Variants in PARD3 observed in about 807,000 individuals in gnomAD.
The protein encoded by PARD3 is partitioning defective 3 homolog.
PARD3 carries 75 observed loss-of-function variants against 155.4 expected under a neutral mutation model. That is an observed-to-expected ratio of 0.48 (90% CI 0.40 to 0.58). PARD3 has a LOEUF of 0.58. Among genes scored for constraint, PARD3 ranks in the 20% least tolerant of loss-of-function variants. PARD3 has a pLI of 0.00. For synonymous variants in PARD3, 576 were observed against 610.5 expected (o/e 0.94, Z 0.83); for missense variants, 1,642 against 1,721.7 (o/e 0.95, Z 0.82).
At chr10:34,199,576 C>T (rs1436994281) in intron 22 of PARD3, among the ~76,000 whole-genome samples, 2 of 152,220 alleles carry the variant, frequency 1.3e-5, no homozygotes, top group African/African-American at 2.4e-5. Flanking sequence ...CACCCCCAAC[C>T]CCGGTTACCT....
intron 2 of PARD3, among the ~76,000 whole-genome samples, chr10:34,587,118 T>C (rs900257653): frequency 6.6e-6 from 1 of 152,050 alleles, no homozygotes; most frequent in Non-Finnish European, 1.5e-5. Context: ...GTTTATTTTT[T>C]TTATTGTGTT....
chr10:34,678,149 C>T (rs1252424229), intron 2 of PARD3, among the ~76,000 whole-genome samples: 6 of 152,118 alleles, frequency 3.9e-5, no homozygotes, highest in Admixed American at 2.0e-4. Flanking sequence ...TCTCGGCTCA[C>T]TGCAGCCTCA....
chr10:34,248,641 T>C (rs1302278755), intron 22 of PARD3, among the ~76,000 whole-genome samples: 4 of 152,098 alleles, frequency 2.6e-5, no homozygotes, highest in Non-Finnish European at 2.9e-5. Context: ...CTGTCTACAA[T>C]AGCACCTCCC....
intron 2 of PARD3, among the ~76,000 whole-genome samples, chr10:34,534,092 G>A (rs1367702203): frequency 6.6e-6 from 1 of 151,904 alleles, no homozygotes; most frequent in East Asian, 1.9e-4. Context: ...AGTGTGAGGA[G>A]GTCTTAAGAC....
At chr10:34,168,423 T>C (rs1949638523) in intron 22 of PARD3, among the ~76,000 whole-genome samples, 3 of 152,220 alleles carry the variant, frequency 2.0e-5, no homozygotes, top group Admixed American at 2.0e-4. Flanking sequence ...TCCAGAGAAC[T>C]GAGAGCCTGT....
At chr10:34,232,691 T>C (rs1221765491) in intron 22 of PARD3, among the ~76,000 whole-genome samples, 1 of 152,090 alleles carries the variant, frequency 6.6e-6, no homozygotes, top group African/African-American at 2.4e-5. Flanking sequence ...CTGGCAGGTA[T>C]AGTCAAATGT....
chr10:34,111,191 T>C lies in PARD3; in HGVS notation c.4040A>G (p.Lys1347Arg). 1 of 1,562,848 alleles carries C rather than the reference T, an allele frequency of 6.4e-7. No individual in the cohort carries two copies. The highest frequency in any genetic ancestry group is 1.4e-5 in the African/African-American group (1 of 72,940). ...ARLNRLQTPE[K>R]GRPFYS ...TGCTCAGGAATAGAAGGGCCTCCCT[T>C]TCTCAGGAGTCTGAAGTCTGTTCAG... Residue 1347 changes from lysine to arginine, a missense_variant, in exon 25 of 25, where the codon AAA (lysine) becomes AGA (arginine). Physicochemically the swap from Lys to Arg is conservative, Grantham distance 26 (BLOSUM62 2). Transcript: ENST00000374788.
chr10:34,526,186 C>G (rs1225198579), intron 2 of PARD3, among the ~76,000 whole-genome samples: 1 of 151,102 alleles, frequency 6.6e-6, no homozygotes, highest in Non-Finnish European at 1.5e-5. Context: ...GACACACACA[C>G]AGCCTCTCTA....
chr10:34,489,501 G>C (rs755926974), intron 3 of PARD3, among the ~76,000 whole-genome samples: 29 of 152,160 alleles, frequency 1.9e-4, no homozygotes, highest in Non-Finnish European at 3.8e-4. Context: ...AACTGTTCCA[G>C]TTTCAAATTA....
intron 1 of PARD3, among the ~76,000 whole-genome samples, chr10:34,700,844 C>A (rs151077727): frequency 6.6e-6 from 1 of 151,956 alleles, no homozygotes; most frequent in African/African-American, 2.4e-5. Flanking sequence ...TGGTGGCGTG[C>A]GCCTGTAGTC....
chr10:34,615,447 T>C (rs898082486), intron 2 of PARD3, among the ~76,000 whole-genome samples: 7 of 152,178 alleles, frequency 4.6e-5, no homozygotes, highest in African/African-American at 1.7e-4. Context: ...TCTCTCCATA[T>C]ATAAAAATCA....
chr10:34,340,833 A>C (rs921428209), intron 16 of PARD3, among the ~76,000 whole-genome samples: 2 of 152,320 alleles, frequency 1.3e-5, no homozygotes, highest in Admixed American at 6.5e-5. Context: ...TGAAGGAACA[A>C]CACCATAACA....
intron 1 of PARD3, among the ~76,000 whole-genome samples, chr10:34,807,845 TTGA>T (rs1843599530): frequency 6.6e-6 from 1 of 151,610 alleles, no homozygotes; most frequent in Non-Finnish European, 1.5e-5. Flanking sequence ...CCAATATGAG[TTGA>T]TGGAGAAAAA....
At chr10:34,718,149 CAAAAAA>C (rs71033340) in intron 1 of PARD3, among the ~76,000 whole-genome samples, 1 of 82,756 alleles carries the variant, frequency 1.2e-5, no homozygotes, top group African/African-American at 4.3e-5. Context: ...GACTCCATCT[CAAAAAA>C]AAAAAAAAAA....
chr10:34,206,383 G>T (rs772548691), intron 22 of PARD3, among the ~76,000 whole-genome samples: 1 of 152,222 alleles, frequency 6.6e-6, no homozygotes, highest in Non-Finnish European at 1.5e-5. Flanking sequence ...GGAAATGGGC[G>T]GCGTTTGCCT....
chr10:34,115,650 C>A (rs1946626614), intron 24 of PARD3, among the ~76,000 whole-genome samples: 1 of 151,860 alleles, frequency 6.6e-6, no homozygotes, highest in Non-Finnish European at 1.5e-5. Context: ...ATTCATAAAT[C>A]ATAACATCAC....
chr10:34,404,980 G>T (rs969929794), intron 5 of PARD3, among the ~76,000 whole-genome samples: 2 of 151,884 alleles, frequency 1.3e-5, no homozygotes, highest in African/African-American at 2.4e-5. Flanking sequence ...GCTGAAGCAA[G>T]AAGCTTGAGC....
At chr10:34,465,405 C>A (rs1022540412) in intron 4 of PARD3, among the ~76,000 whole-genome samples, 2 of 152,116 alleles carry the variant, frequency 1.3e-5, no homozygotes, top group African/African-American at 4.8e-5. Flanking sequence ...AACATCTCAC[C>A]CTTCTAATAG....
At chr10:34,491,743 A>G (rs1589763820) in intron 3 of PARD3, among the ~76,000 whole-genome samples, 1 of 152,248 alleles carries the variant, frequency 6.6e-6, no homozygotes, top group African/African-American at 2.4e-5. Flanking sequence ...GAGATAAAGC[A>G]CTTTAATATT....
Sources: gnomAD v4.1 joint callset for allele counts (sites outside exome capture counted in the v4.1 genomes callset) on GRCh38, gnomAD v4.1.1 for gene constraint, MANE v1.5 for transcripts, NCBI Gene and HGNC (gene_info 2026-07-23, HGNC 2026-07-21) for gene names.